Variants in PIK3AP1 observed in about 807,000 individuals in gnomAD.
The protein encoded by PIK3AP1 is phosphoinositide-3-kinase adaptor protein 1, also known as phosphoinositide 3-kinase adapter protein 1.
PIK3AP1 carries 21 observed loss-of-function variants against 88.1 expected under a neutral mutation model. The ratio of observed to expected loss-of-function variants is 0.24; its 90% CI spans 0.17 to 0.34. The LOEUF is 0.34. Ranked by LOEUF, PIK3AP1 falls within the 10% of genes least tolerant of loss-of-function variation. PIK3AP1 has a pLI of 1.00. For missense variants in PIK3AP1, 828 were observed against 1,035.7 expected (o/e 0.80, Z 2.75); for synonymous variants, 398 against 400.0 (o/e 1.00, Z 0.06).
Position 96,652,979 on chromosome 10 carries a change from A to G in PIK3AP1, c.568-137T>C, listed in dbSNP as rs1229509509. 6.5e-6 allele frequency: 6 copies of G among 919,874 alleles called. No individual in the cohort carries two copies. In the African/African-American group the frequency reaches 1.0e-4, roughly 15 times the overall value. The allele number at this position is 919,874 out of a possible 1,614,324, so 57.0% of individuals were successfully genotyped here. A position where few individuals can be genotyped will look rare whatever the true frequency, so the allele number is the denominator to read the frequency against. On this transcript the variant is annotated intron_variant, in intron 3 of 16. Coordinates refer to ENST00000339364, the MANE Select transcript of PIK3AP1 (RefSeq NM_152309.3). ...GGGGACAGGGTGGACTCAGTGGTCC[A>G]GTGCTGGGCAGTGAACTGTTTGCTA...
intron 8 of PIK3AP1, among the ~76,000 whole-genome samples, chr10:96,634,350 C>G (rs1843285925): frequency 6.6e-6 from 1 of 152,180 alleles, no homozygotes; most frequent in African/African-American, 2.4e-5. Flanking sequence ...AGACTGCATG[C>G]AGGGAACAAA....
chr10:96,596,032 T>C (rs1371423757), intron 16 of PIK3AP1, among the ~76,000 whole-genome samples: 1 of 152,098 alleles, frequency 6.6e-6, no homozygotes, highest in African/African-American at 2.4e-5. Flanking sequence ...CAGGGTAAGC[T>C]AAAATTCCTA....
rs567399635 is a variant in PIK3AP1, at chr10:96,659,187, A to T, written c.431-2253T>A. Among the ~76,000 whole-genome samples, 16 of 152,316 alleles carry T rather than the reference A, an allele frequency of 1.1e-4. No individual in the cohort carries two copies. In the South Asian group the frequency reaches 3.3e-3, roughly 32 times the overall value. On this transcript the variant is annotated intron_variant, in intron 2 of 16. Transcript: ENST00000339364. ...GTTAATTATTATTAGATTCCTGGACATACCATTTAAAAAAATATTTCTGAG... is the reference window on the plus strand; with the variant it reads ...GTTAATTATTATTAGATTCCTGGACTTACCATTTAAAAAAATATTTCTGAG...
chr10:96,619,935 T>G lies in PIK3AP1; in HGVS notation c.1941+417A>C, dbSNP rs1191119704. 5.3e-5 allele frequency among the ~76,000 whole-genome samples: 8 copies of G among 152,358 alleles called. No homozygotes were observed. The East Asian group carries it at 1.5e-3, about 29-fold the overall frequency. On this transcript the variant is annotated intron_variant, in intron 12 of 16. Coordinates refer to ENST00000339364, the MANE Select transcript of PIK3AP1 (RefSeq NM_152309.3). ...AACTTGTTTTGTTCATTTAATCATA[T>G]TTCTTGGGAGTTTTCCAAGTTCTCT... is the stretch of plus-strand genomic sequence containing the variant.
intron 2 of PIK3AP1, among the ~76,000 whole-genome samples, chr10:96,662,236 A>G (rs1843697560): frequency 6.6e-6 from 1 of 152,248 alleles, no homozygotes; most frequent in South Asian, 2.1e-4. Context: ...AACATTACTC[A>G]GCAATAAAGA....
At position 96,651,255 on chromosome 10, in the gene PIK3AP1, C is replaced by A; in HGVS notation, c.981G>T (p.Met327Ile). Residue 327 changes from methionine (M) to isoleucine (I), a missense_variant, in exon 6 of 17, where the codon ATG (methionine) becomes ATT (isoleucine). Physicochemically the swap from Met to Ile is conservative, Grantham distance 10. This residue lies in a region of PIK3AP1 where 610 missense variants were observed against 760.1 expected (regional missense o/e 0.80). Coordinates refer to ENST00000339364, the MANE Select transcript of PIK3AP1 (RefSeq NM_152309.3). Reference sequence around the variant, plus strand: ...GTTTGACTGTCAACTTACTTGTCATCATATCTTCTTCTTCCAGCTGGTTGA... The same window carrying A: ...GTTTGACTGTCAACTTACTTGTCATAATATCTTCTTCTTCCAGCTGGTTGA... ...FGINQLEEEDMMTNQRDEELP... is the reference protein window; with the variant it reads ...FGINQLEEEDIMTNQRDEELP... The A allele has an allele frequency of 4.3e-6, 7 of 1,614,224 alleles. No homozygotes were observed. Among genetic ancestry groups the A allele is most frequent in the Non-Finnish European group, 5.9e-6 (7 of 1,180,030 alleles).
rs773784554 is a variant in PIK3AP1 at position 96,626,894 on chromosome 10, C to T, written c.1483G>A (p.Gly495Arg). ...IRKFLEGNSM[G>R]MTNLERDQCH... ...TGATCTCTCTCCAGATTGGTCATTC[C>T]CATGCTGTTGCCTAGAAACGCAGAG... Residue 495 changes from glycine (G) to arginine (R), a missense_variant, in exon 10 of 17, where the codon GGA becomes AGA. By Grantham distance (125) the Gly-to-Arg change is moderately radical. This residue lies in a region of PIK3AP1 where 610 missense variants were observed against 760.1 expected (regional missense o/e 0.80). Coordinates refer to ENST00000339364, the MANE Select transcript of PIK3AP1 (RefSeq NM_152309.3). 12 of 1,613,888 alleles carry T rather than the reference C, an allele frequency of 7.4e-6. No homozygotes were observed. Among genetic ancestry groups the T allele is most frequent in the Non-Finnish European group, 1.0e-5 (12 of 1,179,734 alleles).
Position 96,632,759 on chromosome 10 carries a change from A to G in PIK3AP1, c.1376-4266T>C, listed in dbSNP as rs185096903. ...GAGAGTGTCTCACAGGATGATTAGA[A>G]GCGTGGGCATTAGGATCGCAATGCA... On this transcript the variant is annotated intron_variant, in intron 8 of 16. Coordinates refer to ENST00000339364, the MANE Select transcript of PIK3AP1 (RefSeq NM_152309.3). 93 of 1,151,690 alleles carry G rather than the reference A, an allele frequency of 8.1e-5. No individual in the cohort carries two copies. The East Asian group carries it at 2.4e-3, about 29-fold the overall frequency. The allele number at this position is 1,151,690 out of a possible 1,614,324, so 71.3% of individuals were successfully genotyped here. A position where few individuals can be genotyped will look rare whatever the true frequency, so the allele number is the denominator to read the frequency against.
chr10:96,618,488 C>G (rs1258755863), intron 12 of PIK3AP1, among the ~76,000 whole-genome samples: 1 of 151,864 alleles, frequency 6.6e-6, no homozygotes, highest in African/African-American at 2.4e-5. Flanking sequence ...AGAAGCTTTC[C>G]AGCAGACTGA....
intron 2 of PIK3AP1, among the ~76,000 whole-genome samples, chr10:96,691,335 A>T (rs552303570): frequency 6.6e-6 from 1 of 152,328 alleles, no homozygotes; most frequent in African/African-American, 2.4e-5. Context: ...TTCGCAAGGG[A>T]AACTCAAGAT....
At chr10:96,691,287 T>C (rs1278233147) in intron 2 of PIK3AP1, among the ~76,000 whole-genome samples, 3 of 152,108 alleles carry the variant, frequency 2.0e-5, no homozygotes, top group African/African-American at 4.8e-5. Flanking sequence ...TTGTGTATAA[T>C]ACAAGAAAGG....
At chr10:96,696,477 C>T (rs550973510) in intron 2 of PIK3AP1, among the ~76,000 whole-genome samples, 1 of 152,312 alleles carries the variant, frequency 6.6e-6, no homozygotes, top group South Asian at 2.1e-4. Flanking sequence ...ATTAAATCAT[C>T]CTCTTTCCTG....
At chr10:96,652,666 C>G (rs201051258) in intron 4 of PIK3AP1, 32 bp downstream of exon 4, 3 of 1,610,516 alleles carry the variant, frequency 1.9e-6, no homozygotes. Flanking sequence ...CAATGAAGCC[C>G]TATGTCATCA....
chr10:96,687,420 C>T (rs368532461), intron 2 of PIK3AP1, among the ~76,000 whole-genome samples: 15 of 152,220 alleles, frequency 9.9e-5, no homozygotes, highest in Middle Eastern at 3.4e-3. Flanking sequence ...AGGCCCACCC[C>T]GTGAGTGCCA....
chr10:96,677,182 G>A (rs1031636092), intron 2 of PIK3AP1, among the ~76,000 whole-genome samples: 5 of 152,140 alleles, frequency 3.3e-5, no homozygotes, highest in Admixed American at 6.6e-5. Flanking sequence ...GAGAAACACC[G>A]ATTCAGCCAT....
Position 96,692,596 on chromosome 10 carries a change from G to GAAAGAAAGAAAA in PIK3AP1, c.430+16970_430+16971insTTTTCTTTCTTT, listed in dbSNP as rs1564985988. Among the ~76,000 whole-genome samples, 66 of 151,782 alleles carry GAAAGAAAGAAAA rather than the reference G, an allele frequency of 4.3e-4. No individual in the cohort carries two copies. In the South Asian group the frequency reaches 0.013, roughly 31 times the overall value. ...TCAAAAAAAAAAAGAAAGAAAGAAAGAAAAGAAAGAAATGTTATATTGTTT... is the reference window on the plus strand; with the variant it reads ...TCAAAAAAAAAAAGAAAGAAAGAAAGAAAGAAAGAAAAAAAAGAAAGAAATGTTATATTGTTT... On this transcript the variant is annotated intron_variant, in intron 2 of 16. Coordinates refer to ENST00000339364, the MANE Select transcript of PIK3AP1 (RefSeq NM_152309.3).
chr10:96,636,605 A>T (rs528851115), intron 8 of PIK3AP1, among the ~76,000 whole-genome samples: 10 of 152,250 alleles, frequency 6.6e-5, no homozygotes, highest in Non-Finnish European at 1.3e-4. Context: ...TGTACTTCAG[A>T]TCCCAAGCAC....
chr10:96,651,943 T>C (rs907353608), intron 4 of PIK3AP1, among the ~76,000 whole-genome samples: 1 of 152,152 alleles, frequency 6.6e-6, no homozygotes, highest in Non-Finnish European at 1.5e-5. Context: ...AGTGCCTCAA[T>C]GAACAGGAAG....
intron 8 of PIK3AP1, among the ~76,000 whole-genome samples, chr10:96,637,745 A>G (rs1246026365): frequency 1.3e-5 from 2 of 152,128 alleles, no homozygotes; most frequent in East Asian, 3.9e-4. Context: ...GAAAAGATCC[A>G]CCCTCAAGGT....
Sources: allele counts gnomAD v4.1 joint callset (sites outside exome capture counted in the v4.1 genomes callset), GRCh38; gene constraint gnomAD v4.1.1; regional missense constraint gnomAD v4.1.1; transcripts MANE v1.5; gene names NCBI Gene and HGNC (gene_info 2026-07-23, HGNC 2026-07-21).